The following KLHL2 variants were observed in gnomAD, a reference collection of about 807,000 sequenced individuals.
KLHL2 encodes kelch like family member 2.
KLHL2 carries 15 observed loss-of-function variants against 75.8 expected under a neutral mutation model. The observed-to-expected ratio is 0.20, with a 90% confidence interval of 0.13 to 0.30. The LOEUF is 0.30. Ranked by LOEUF, KLHL2 falls within the 10% of genes least tolerant of loss-of-function variation. The pLI is 1.00. For missense variants in KLHL2, 381 were observed against 741.0 expected, an observed-to-expected ratio of 0.51 and a Z score of 5.64; for synonymous variants, 214 against 251.9, an observed-to-expected ratio of 0.85 and a Z score of 1.42.
intron 3 of KLHL2, among the ~76,000 whole-genome samples, chr4:165,235,437 A>C: frequency 6.6e-6 from 1 of 152,224 alleles, no homozygotes; most frequent in Admixed American, 6.5e-5. Flanking sequence ...CTGACCTCAC[A>C]TGATCCGCCT....
At chr4:165,265,358 C>G (rs1316123158) in intron 5 of KLHL2, among the ~76,000 whole-genome samples, 1 of 151,854 alleles carries the variant, frequency 6.6e-6, no homozygotes. Flanking sequence ...TTTCTTTGGT[C>G]TTGTGGAAGT....
chr4:165,322,589 G>T lies in KLHL2; in HGVS notation c.*529G>T, dbSNP rs1747063476. The stretch of plus-strand genomic sequence containing the variant: ...ATAAATTATGTGCATATAAATGTGT[G>T]TCTATATGCTTTCCTTTAAATATGT... On this transcript the variant is annotated 3_prime_UTR_variant, in exon 15 of 15. Transcript: ENST00000226725. The T allele has an allele frequency of 6.6e-6, 1 of 152,662 alleles. No individual in the cohort carries two copies. The highest frequency in any genetic ancestry group is 1.5e-5 in the Non-Finnish European group (1 of 68,172). The allele number at this position is 152,662 out of a possible 1,614,324, so 9.5% of individuals were successfully genotyped here. A position where few individuals can be genotyped will look rare whatever the true frequency, so the allele number is the denominator to read the frequency against.
In KLHL2 at chr4:165,264,747, T is replaced by C. The variant is rs563707391; in HGVS notation, c.544+1388T>C. Among the ~76,000 whole-genome samples the C allele has an allele frequency of 8.6e-3, 722 of 83,640 alleles. 10 individuals carry two copies. The highest frequency in any genetic ancestry group is 0.018 in the South Asian group (50 of 2,852). 54.9% of individuals were successfully genotyped at this position (83,640 alleles called of 152,430 possible). A position where few individuals can be genotyped will look rare whatever the true frequency, so the allele number is the denominator to read the frequency against. ...ATATATATATATATATATGTATATA[T>C]ATATATATATATATATATAAAACAT... On this transcript the variant is annotated intron_variant, in intron 5 of 14. Transcript: ENST00000226725.
chr4:165,278,090 G>C (rs1318661829), intron 5 of KLHL2: 4 of 1,557,694 alleles, frequency 2.6e-6, no homozygotes, highest in Non-Finnish European at 3.5e-6. Flanking sequence ...ACCACCTTCT[G>C]GAGATTGAGT....
intron 4 of KLHL2, among the ~76,000 whole-genome samples, chr4:165,239,700 G>A (rs1325705031): frequency 1.3e-5 from 2 of 152,180 alleles, no homozygotes; most frequent in Admixed American, 6.5e-5. Flanking sequence ...TAATACAGAT[G>A]GGTGTGGAGT....
chr4:165,303,027 A>G (rs918478494), intron 8 of KLHL2, among the ~76,000 whole-genome samples: 6 of 152,146 alleles, frequency 3.9e-5, no homozygotes, highest in African/African-American at 1.2e-4. Flanking sequence ...TAGCCACACA[A>G]TGGTTTATGA....
intron 9 of KLHL2, among the ~76,000 whole-genome samples, chr4:165,307,163 C>T (rs1745797645): frequency 1.3e-5 from 2 of 152,112 alleles, no homozygotes; most frequent in East Asian, 3.9e-4. Flanking sequence ...CAAAAGATAG[C>T]TGGGTATGGT....
At chr4:165,303,020 CCA>C (rs1745450701) in intron 8 of KLHL2, among the ~76,000 whole-genome samples, 1 of 152,138 alleles carries the variant, frequency 6.6e-6, no homozygotes, top group African/African-American at 2.4e-5. Flanking sequence ...CTTTTGGTAG[CCA>C]CACAATGGTT....
chr4:165,238,952 A>G (rs2111102302), intron 4 of KLHL2, 53 bp downstream of exon 4: 2 of 1,565,030 alleles, frequency 1.3e-6, no homozygotes, highest in African/African-American at 1.4e-5. Flanking sequence ...AGTTTTTTTA[A>G]TAAAAAAAGC....
At chr4:165,261,352 A>G (rs539471189) in intron 4 of KLHL2, among the ~76,000 whole-genome samples, 20 of 135,122 alleles carry the variant, frequency 1.5e-4, no homozygotes, top group Admixed American at 7.1e-4. Flanking sequence ...TTTTATTTTT[A>G]TTTTTTGAGA....
intron 12 of KLHL2, among the ~76,000 whole-genome samples, chr4:165,313,787 A>G (rs1443367489): frequency 1.3e-5 from 2 of 152,086 alleles, no homozygotes; most frequent in Admixed American, 6.6e-5. Flanking sequence ...CCTACATGTT[A>G]TTAATATTTT....
At chr4:165,229,442 C>A (rs577206005) in intron 3 of KLHL2, among the ~76,000 whole-genome samples, 91 of 152,310 alleles carry the variant, frequency 6.0e-4, no homozygotes, top group African/African-American at 2.0e-3. Context: ...CCCTTACTCT[C>A]ATTCTTTTTT....
chr4:165,216,839 C>T (rs180929140), intron 1 of KLHL2, among the ~76,000 whole-genome samples: 18 of 152,200 alleles, frequency 1.2e-4, no homozygotes, highest in Admixed American at 1.1e-3. Flanking sequence ...TAACAAAATT[C>T]AGTGTTTTTT....
At chr4:165,245,479 A>T (rs921264191) in intron 4 of KLHL2, among the ~76,000 whole-genome samples, 3 of 152,106 alleles carry the variant, frequency 2.0e-5, no homozygotes, top group Non-Finnish European at 4.4e-5. Context: ...AATTGTAATG[A>T]CCACAACCAA....
intron 1 of KLHL2, among the ~76,000 whole-genome samples, chr4:165,215,038 TA>T (rs1394348530): frequency 6.6e-6 from 1 of 152,182 alleles, no homozygotes; most frequent in East Asian, 1.9e-4. Flanking sequence ...TTAACATTTT[TA>T]AAAAGCTCTA....
chr4:165,300,917 A>G (rs1252108801), intron 8 of KLHL2, among the ~76,000 whole-genome samples: 1 of 152,182 alleles, frequency 6.6e-6, no homozygotes, highest in African/African-American at 2.4e-5. Flanking sequence ...TTTGGAGTCT[A>G]CATTTTTAAT....
chr4:165,281,482 A>T (rs1743679577), intron 5 of KLHL2, among the ~76,000 whole-genome samples: 1 of 151,650 alleles, frequency 6.6e-6, no homozygotes. Flanking sequence ...CGCCTGGCTA[A>T]TTTTTTGTAT....
intron 4 of KLHL2, among the ~76,000 whole-genome samples, chr4:165,255,564 T>C (rs1741096485): frequency 6.6e-6 from 1 of 152,134 alleles, no homozygotes; most frequent in Non-Finnish European, 1.5e-5. Flanking sequence ...AGTTTTGACA[T>C]AGGAAATGTT....
chr4:165,313,099 A>C (rs1746332472), intron 11 of KLHL2, 139 bp from the exon 12 acceptor site: 2 of 754,434 alleles, frequency 2.7e-6, no homozygotes, highest in African/African-American at 3.6e-5. Context: ...AATATATTTC[A>C]TAAAAATCAG....
Sources: allele counts gnomAD v4.1 joint callset (sites outside exome capture counted in the v4.1 genomes callset), GRCh38; gene constraint gnomAD v4.1.1; transcripts MANE v1.5; gene names NCBI Gene and HGNC (gene_info 2026-07-23, HGNC 2026-07-21).